TADA2A: variants seen among roughly 807,000 people sequenced by gnomAD.
TADA2A encodes transcriptional adaptor 2A, also known as transcriptional adapter 2-alpha.
TADA2A carries 38 observed loss-of-function variants against 67.4 expected under a neutral mutation model. The observed-to-expected ratio is 0.56, with a 90% CI of 0.44 to 0.74. The LOEUF is 0.74. Ranked by LOEUF, TADA2A falls within the 30% of genes least tolerant of loss-of-function variation. TADA2A has a pLI of 0.00. For missense variants in TADA2A, 454 were observed against 547.0 expected (o/e 0.83, Z 1.70); for synonymous variants, 192 against 181.6 (o/e 1.06, Z -0.46).
rs377297752 is a variant in TADA2A, at chr17:37,470,406, G to A, written c.902G>A (p.Arg301Lys). The A allele has an allele frequency of 1.4e-5, 23 of 1,613,626 alleles. No individual in the cohort carries two copies. In the African/African-American group the frequency reaches 2.9e-4, roughly 21 times the overall value. Residue 301 changes from arginine (R) to lysine (K), a missense_variant, in exon 13 of 16, where the codon AGA becomes AAA. Arg to Lys is a conservative substitution (Grantham distance 26, BLOSUM62 2). Coordinates refer to ENST00000615182, the MANE Select transcript of TADA2A (RefSeq NM_001166105.3). ...TAGITNFCSA[R>K]TYDHLKKTRE... is the part of the protein sequence containing the mutation. ...GTGTTTTCTATACCCCCAGGTGCCA[G>A]AACCTACGATCACCTCAAGAAGACA...
chr17:37,440,361 C>T (rs1473990240), intron 5 of TADA2A, 144 bp from the exon 6 acceptor site: 3 of 923,416 alleles, frequency 3.2e-6, no homozygotes, highest in Admixed American at 5.8e-5. Context: ...TGTCATTTTT[C>T]TGCTGATATC....
At chr17:37,425,182 A>T (rs2052368247) in intron 3 of TADA2A, among the ~76,000 whole-genome samples, 1 of 152,132 alleles carries the variant, frequency 6.6e-6, no homozygotes, top group South Asian at 2.1e-4. Context: ...GCCCGGCCAT[A>T]ACACTGTTTT....
intron 8 of TADA2A, among the ~76,000 whole-genome samples, chr17:37,446,725 T>C (rs938517996): frequency 6.6e-6 from 1 of 152,196 alleles, no homozygotes; most frequent in Non-Finnish European, 1.5e-5. Context: ...ATCTATAATG[T>C]TAATAATGGC....
intron 4 of TADA2A, among the ~76,000 whole-genome samples, chr17:37,427,490 T>C (rs906026948): frequency 1.3e-5 from 2 of 152,150 alleles, no homozygotes. Context: ...AATGAATTAA[T>C]ACATAAAATC....
chr17:37,467,367 T>C, intron 11 of TADA2A, 87 bp from the exon 12 acceptor site: 2 of 1,055,852 alleles, frequency 1.9e-6, no homozygotes, highest in Non-Finnish European at 2.8e-6. Context: ...TAAGGCAGAA[T>C]TAATGAAAAT....
intron 10 of TADA2A, among the ~76,000 whole-genome samples, chr17:37,463,927 T>C (rs1222307502): frequency 6.6e-6 from 1 of 151,698 alleles, no homozygotes; most frequent in African/African-American, 2.4e-5. Flanking sequence ...CTCTCCAGCC[T>C]GGGCGACACA....
chr17:37,456,425 A>G (rs2053393292), intron 8 of TADA2A, among the ~76,000 whole-genome samples: 1 of 152,208 alleles, frequency 6.6e-6, no homozygotes, highest in Non-Finnish European at 1.5e-5. Flanking sequence ...TGCCTCTCCT[A>G]CAAGATAGCA....
Position 37,474,650 on chromosome 17 carries a change from G to A in TADA2A, c.1146+21G>A, listed in dbSNP as rs950663350. Reference sequence around the variant, plus strand: ...AGGAGGTAACAAAAGGGAGGGGGCTGGGAGAAAGAGAATAGGGGCTGATTA... The same window carrying A: ...AGGAGGTAACAAAAGGGAGGGGGCTAGGAGAAAGAGAATAGGGGCTGATTA... On this transcript the variant is annotated intron_variant, in intron 15 of 15. Transcript: ENST00000615182. 1.6e-5 allele frequency: 25 copies of A among 1,601,520 alleles called. No individual in the cohort carries two copies. In the East Asian group the frequency reaches 5.6e-4, roughly 36 times the overall value.
At chr17:37,441,112 A>G (rs895984743) in intron 6 of TADA2A, among the ~76,000 whole-genome samples, 13 of 151,818 alleles carry the variant, frequency 8.6e-5, no homozygotes, top group Non-Finnish European at 1.8e-4. Flanking sequence ...AAAAAAAAAA[A>G]AGAGTCAGGA....
chr17:37,429,045 C>CAA (rs375811520), intron 4 of TADA2A, among the ~76,000 whole-genome samples: 2,241 of 109,448 alleles, frequency 0.02, 68 homozygotes, highest in African/African-American at 0.067. Flanking sequence ...GACTCCGTCT[C>CAA]AAAAAAAAAA....
chr17:37,475,778 T>G (rs2053880968), intron 15 of TADA2A, among the ~76,000 whole-genome samples: 1 of 152,256 alleles, frequency 6.6e-6, no homozygotes, highest in African/African-American at 2.4e-5. Flanking sequence ...TAAAAAATTA[T>G]GTGACCTACT....
intron 3 of TADA2A, among the ~76,000 whole-genome samples, chr17:37,424,154 C>T (rs1346747198): frequency 2.0e-5 from 3 of 152,008 alleles, no homozygotes; most frequent in East Asian, 1.9e-4. Context: ...AATACTTGGC[C>T]GGGCACAGTG....
chr17:37,465,241 A>G (rs2053638472), intron 10 of TADA2A, among the ~76,000 whole-genome samples, 190 bp from the exon 11 acceptor site: 1 of 151,912 alleles, frequency 6.6e-6, no homozygotes, highest in Admixed American at 6.6e-5. Flanking sequence ...GATAGTTGCT[A>G]TGGTGCTGTC....
intron 14 of TADA2A, among the ~76,000 whole-genome samples, chr17:37,473,949 C>T (rs1461731751): frequency 6.6e-6 from 1 of 152,190 alleles, no homozygotes; most frequent in African/African-American, 2.4e-5. Flanking sequence ...GGCCGAGTGG[C>T]AAGGATTAGG....
chr17:37,444,315 CTTGCTCTGT>C (rs1317939656), intron 7 of TADA2A, among the ~76,000 whole-genome samples: 2 of 151,674 alleles, frequency 1.3e-5, no homozygotes, highest in African/African-American at 4.8e-5. Flanking sequence ...GAGACAGGCT[CTTGCTCTGT>C]TTCCCAGGCA....
chr17:37,465,770 T>G, intron 11 of TADA2A: 1 of 639,694 alleles, frequency 1.6e-6, no homozygotes, highest in Non-Finnish European at 2.6e-6. Context: ...ATTTAGTAGT[T>G]TTTCTCCCTA....
chr17:37,442,198 CTTTTTTTTTTTT>C (rs760306260), intron 6 of TADA2A, among the ~76,000 whole-genome samples: 1 of 75,412 alleles, frequency 1.3e-5, no homozygotes, highest in African/African-American at 5.0e-5. Context: ...TTTTTCCCGT[CTTTTTTTTTTTT>C]TTTTTTTTTT....
chr17:37,445,584 A>T (rs1282514003), intron 8 of TADA2A, among the ~76,000 whole-genome samples: 2 of 152,134 alleles, frequency 1.3e-5, no homozygotes, highest in Non-Finnish European at 2.9e-5. Context: ...CTGAATTCTA[A>T]TCTTTGATTA....
At chr17:37,423,707 T>TA (rs1491127354) in intron 3 of TADA2A, 92 bp downstream of exon 3, 1 of 958,350 alleles carries the variant, frequency 1.0e-6, no homozygotes, top group African/African-American at 1.7e-5. Context: ...GCTAAGGAGA[T>TA]CTATGTCTTA....
Sources: gnomAD v4.1 joint callset for allele counts (sites outside exome capture counted in the v4.1 genomes callset) on GRCh38, gnomAD v4.1.1 for gene constraint, MANE v1.5 for transcripts, NCBI Gene and HGNC (gene_info 2026-07-23, HGNC 2026-07-21) for gene names.